MAML3: variants seen among roughly 807,000 people sequenced by gnomAD.
MAML3 encodes mastermind like transcriptional coactivator 3, also known as mastermind-like protein 3.
In MAML3, 27 loss-of-function variants were observed where a neutral mutation model predicts 101.9. The observed-to-expected ratio is 0.27, with a 90% CI of 0.20 to 0.37. The LOEUF is 0.37. MAML3 is among the 10% of genes least tolerant of loss of function. The pLI is 1.00. For synonymous variants in MAML3, 501 were observed against 555.9 expected (o/e 0.90, Z 1.39); for missense variants, 1,316 against 1,444.9 (o/e 0.91, Z 1.45).
At chr4:139,944,727 T>A (rs1454337173) in intron 1 of MAML3, among the ~76,000 whole-genome samples, 3 of 146,082 alleles carry the variant, frequency 2.1e-5, no homozygotes, top group Non-Finnish European at 4.5e-5. Flanking sequence ...ATCAGAGAAA[T>A]GCAAATCAAA....
chr4:139,838,410 T>C (rs1235217103), intron 2 of MAML3, among the ~76,000 whole-genome samples: 7 of 152,180 alleles, frequency 4.6e-5, no homozygotes, highest in Non-Finnish European at 1.0e-4. Context: ...TCATATCATT[T>C]GGAGTCTAAT....
chr4:139,772,218 T>C (rs1473490236), intron 2 of MAML3, among the ~76,000 whole-genome samples: 34 of 92,622 alleles, frequency 3.7e-4, no homozygotes, highest in Admixed American at 2.6e-3. Context: ...CCAGCCTGGG[T>C]GACAGAGCGA....
intron 1 of MAML3, among the ~76,000 whole-genome samples, chr4:140,024,351 T>C (rs1410131610): frequency 6.6e-6 from 1 of 152,036 alleles, no homozygotes; most frequent in African/African-American, 2.4e-5. Flanking sequence ...TCTCAGCCTC[T>C]GGAGTAGCTG....
chr4:140,134,605 C>T (rs1218907429), intron 1 of MAML3: 20 of 329,842 alleles, frequency 6.1e-5, no homozygotes, highest in South Asian at 2.5e-5. Context: ...TAGAAAAACA[C>T]CACAGAAATA....
chr4:140,084,098 C>T (rs1169436769), intron 1 of MAML3, among the ~76,000 whole-genome samples: 1 of 152,158 alleles, frequency 6.6e-6, no homozygotes, highest in Non-Finnish European at 1.5e-5. Flanking sequence ...TATAATATGT[C>T]ACCATCACTT....
At chr4:140,112,487 G>A (rs966580160) in intron 1 of MAML3, among the ~76,000 whole-genome samples, 1 of 152,254 alleles carries the variant, frequency 6.6e-6, no homozygotes, top group Non-Finnish European at 1.5e-5. Context: ...GCCAGCGAGT[G>A]CAGCTTTTTC....
Position 139,794,670 on chromosome 4 carries a change from C to T in MAML3, c.2080-64003G>A, listed in dbSNP as rs539865260. 3.9e-5 allele frequency among the ~76,000 whole-genome samples: 6 copies of T among 152,294 alleles called. No homozygotes were observed. In the South Asian group the frequency reaches 1.2e-3, roughly 32 times the overall value. ...CTTGTCCAGTTTTCAAAATGATTTCCTACTGGGAAAATGCCAATCTCTCTG... is the reference window on the plus strand; with the variant it reads ...CTTGTCCAGTTTTCAAAATGATTTCTTACTGGGAAAATGCCAATCTCTCTG... On this transcript the variant is annotated intron_variant, in intron 2 of 4. Coordinates refer to ENST00000509479, the MANE Select transcript of MAML3 (RefSeq NM_018717.5).
At chr4:140,008,733 GA>G (rs1726498388) in intron 1 of MAML3, among the ~76,000 whole-genome samples, 1 of 152,140 alleles carries the variant, frequency 6.6e-6, no homozygotes, top group African/African-American at 2.4e-5. Context: ...AAAAAGAGAT[GA>G]ATTTTTATCT....
intron 4 of MAML3, among the ~76,000 whole-genome samples, chr4:139,720,982 C>T (rs935869498): frequency 4.6e-5 from 7 of 152,206 alleles, no homozygotes; most frequent in African/African-American, 1.7e-4. Flanking sequence ...TTCGGATCCA[C>T]TCTGTAGATT....
chr4:140,137,025 T>G (rs148459191), intron 1 of MAML3, among the ~76,000 whole-genome samples: 64 of 152,370 alleles, frequency 4.2e-4, no homozygotes, highest in South Asian at 3.5e-3. Context: ...GTCTCGTTCT[T>G]TCGCCCAGGC....
At chr4:140,042,612 T>TGA (rs1209004626) in intron 1 of MAML3, among the ~76,000 whole-genome samples, 1 of 149,550 alleles carries the variant, frequency 6.7e-6, no homozygotes, top group African/African-American at 2.5e-5. Context: ...CCAGCCTGGG[T>TGA]GAGAGAGAGA....
At chr4:139,931,366 A>G (rs746603658) in intron 1 of MAML3, among the ~76,000 whole-genome samples, 24 of 152,098 alleles carry the variant, frequency 1.6e-4, no homozygotes, top group Non-Finnish European at 2.9e-4. Flanking sequence ...ACTAAAATGA[A>G]CCAGCACACT....
At position 139,716,789 on chromosome 4, in the gene MAML3, C is replaced by A. The variant is rs950433700; in HGVS notation, c.*2534G>T. On this transcript the variant is annotated 3_prime_UTR_variant, in exon 5 of 5. Coordinates refer to ENST00000509479, the MANE Select transcript of MAML3 (RefSeq NM_018717.5). ...AATCTTTTATTTTTGTTTTTGTTTT[C>A]TTTAAAAGTGGTATGTCAACATCAC... The A allele has an allele frequency of 1.3e-5, 2 of 152,334 alleles. No homozygotes were observed. The highest frequency in any genetic ancestry group is 2.9e-5 in the Non-Finnish European group (2 of 67,998). The allele number at this position is 152,334 out of a possible 1,614,324, so 9.4% of individuals were successfully genotyped here. A position where few individuals can be genotyped will look rare whatever the true frequency, so the allele number is the denominator to read the frequency against.
chr4:140,036,186 T>C (rs1438450187), intron 1 of MAML3, among the ~76,000 whole-genome samples: 1 of 152,160 alleles, frequency 6.6e-6, no homozygotes, highest in African/African-American at 2.4e-5. Context: ...TGATTTCTAA[T>C]ACATGTGAGG....
intron 1 of MAML3, among the ~76,000 whole-genome samples, chr4:140,010,962 G>A (rs1213795922): frequency 6.6e-6 from 1 of 151,520 alleles, no homozygotes; most frequent in Admixed American, 6.6e-5. Context: ...TGGGCATGGT[G>A]GCAAGTGCCT....
chr4:140,091,537 C>CAAAAAAAAAAAAAAAAAAAAA lies in MAML3; in HGVS notation c.468+61322_468+61323insTTTTTTTTTTTTTTTTTTTTT, dbSNP rs570700966. On this transcript the variant is annotated intron_variant, in intron 1 of 4. Transcript: ENST00000509479. Reference sequence around the variant, plus strand: ...TGTAAAACAAAACAAAACAACAAAACAAAAACAAAACAAAAAAAAAAAACA... The same window carrying CAAAAAAAAAAAAAAAAAAAAA: ...TGTAAAACAAAACAAAACAACAAAACAAAAAAAAAAAAAAAAAAAAAAAAAACAAAACAAAAAAAAAAAACA... Among the ~76,000 whole-genome samples the CAAAAAAAAAAAAAAAAAAAAA allele has an allele frequency of 5.3e-4, 38 of 71,616 alleles. 2 individuals are homozygous for CAAAAAAAAAAAAAAAAAAAAA. The highest frequency in any genetic ancestry group is 1.7e-3 in the East Asian group (3 of 1,726). The allele number at this position is 71,616 out of a possible 152,430, so 47.0% of individuals were successfully genotyped here.
intron 1 of MAML3, among the ~76,000 whole-genome samples, chr4:139,965,374 G>C (rs142362138): frequency 2.0e-4 from 30 of 152,032 alleles, no homozygotes; most frequent in Non-Finnish European, 3.5e-4. Flanking sequence ...TCTCCCTTCC[G>C]TAAGTATTAG....
At chr4:139,826,585 C>A (rs1314525674) in intron 2 of MAML3, among the ~76,000 whole-genome samples, 1 of 152,154 alleles carries the variant, frequency 6.6e-6, no homozygotes, top group Non-Finnish European at 1.5e-5. Flanking sequence ...TCACATATTT[C>A]GAATGCTCTT....
At chr4:140,121,901 A>G (rs1728611816) in intron 1 of MAML3, among the ~76,000 whole-genome samples, 2 of 152,008 alleles carry the variant, frequency 1.3e-5, no homozygotes, top group Admixed American at 1.3e-4. Flanking sequence ...TGGGGCAGTT[A>G]CCTCCATGCT....
Sources: allele counts gnomAD v4.1 joint callset (sites outside exome capture counted in the v4.1 genomes callset), GRCh38; gene constraint gnomAD v4.1.1; transcripts MANE v1.5; gene names NCBI Gene and HGNC (gene_info 2026-07-23, HGNC 2026-07-21).